Variants in CCNL2 observed in about 807,000 individuals in gnomAD.
CCNL2 encodes cyclin-L2.
CCNL2 carries 28 observed loss-of-function variants against 59.1 expected under a neutral mutation model. The ratio of observed to expected loss-of-function variants is 0.47; its 90% CI spans 0.35 to 0.65. CCNL2 has a LOEUF of 0.65. CCNL2 is among the 30% of genes least tolerant of loss of function. CCNL2 has a pLI of 0.00. For missense variants in CCNL2, 714 were observed against 717.4 expected (o/e 1.00, Z 0.05); for synonymous variants, 342 against 288.6 (o/e 1.19, Z -1.88).
intron 5 of CCNL2, chr1:1,392,443 C>T (rs534848929): frequency 1.1e-5 from 13 of 1,189,946 alleles, no homozygotes; most frequent in African/African-American, 6.3e-5. Context: ...TAACCCCACA[C>T]TGACACAGCC....
chr1:1,395,844 C>T (rs1363141970), intron 3 of CCNL2, among the ~76,000 whole-genome samples: 1 of 152,310 alleles, frequency 6.6e-6, no homozygotes, highest in East Asian at 1.9e-4. Flanking sequence ...GGTACATATT[C>T]ACAGTTCAAT....
Position 1,386,866 on chromosome 1 carries a change from T to C in CCNL2, c.*365A>G, listed in dbSNP as rs976598507. ...TCTTTCTTGGCTTCACGTAATTGAGTATCAGTCGGGGAGTGGAGAGCGGCT... is the reference window on the plus strand; with the variant it reads ...TCTTTCTTGGCTTCACGTAATTGAGCATCAGTCGGGGAGTGGAGAGCGGCT... On this transcript the variant is annotated 3_prime_UTR_variant, in exon 11 of 11. Coordinates refer to ENST00000400809, the MANE Select transcript of CCNL2 (RefSeq NM_030937.6). 1.2e-4 allele frequency: 26 copies of C among 213,828 alleles called. No homozygotes were observed. Among genetic ancestry groups the C allele is most frequent in the East Asian group, 9.3e-5 (1 of 10,702 alleles). The allele number at this position is 213,828 out of a possible 1,614,324, so 13.2% of individuals were successfully genotyped here. A position where few individuals can be genotyped will look rare whatever the true frequency, so the allele number is the denominator to read the frequency against.
intron 3 of CCNL2, among the ~76,000 whole-genome samples, chr1:1,395,825 C>T (rs754338109): frequency 6.6e-5 from 10 of 152,070 alleles, no homozygotes; most frequent in African/African-American, 2.2e-4. Context: ...ATGTGACTCA[C>T]GATAGGAAGG....
intron 3 of CCNL2, among the ~76,000 whole-genome samples, chr1:1,397,836 C>T (rs1194289949): frequency 6.6e-6 from 1 of 152,152 alleles, no homozygotes; most frequent in Non-Finnish European, 1.5e-5. Flanking sequence ...CCGCACTCTG[C>T]CCTGGACAAC....
At position 1,386,125 on chromosome 1, in the gene CCNL2, G is replaced by C. The variant is rs1644447610; in HGVS notation, c.*1106C>G. 1 of 152,272 alleles carries C rather than the reference G, an allele frequency of 6.6e-6. No homozygotes were observed. Among genetic ancestry groups the C allele is most frequent in the Non-Finnish European group, 1.5e-5 (1 of 68,068 alleles). The allele number at this position is 152,272 out of a possible 1,614,324, so 9.4% of individuals were successfully genotyped here. A position where few individuals can be genotyped will look rare whatever the true frequency, so the allele number is the denominator to read the frequency against. ...CTGATGACAGTGGGGGGCACTCAGA[G>C]TGCAGGTGCCACCCCCGTGGGGTGA... On this transcript the variant is annotated 3_prime_UTR_variant, in exon 11 of 11. Transcript: ENST00000400809.
Position 1,398,252 on chromosome 1 carries a change from G to A in CCNL2, c.454C>T (p.Arg152Ter). ...ACTCACTTTTTGTCTCTCAGCTGTCGAAGGCGGTGAAACACATTGATGACG... is the reference window on the plus strand; with the variant it reads ...ACTCACTTTTTGTCTCTCAGCTGTCAAAGGCGGTGAAACACATTGATGACG... ...RDVINVFHRL[R>*]QLRDKKKPVP... Residue 152 changes from arginine (R) to a stop codon, truncating the protein, a stop_gained, in exon 3 of 11, where the codon CGA becomes TGA. Transcript: ENST00000400809. LOFTEE classifies it high-confidence loss of function. The A allele has an allele frequency of 6.2e-7, 1 of 1,614,210 alleles. No homozygotes were observed. Among genetic ancestry groups the A allele is most frequent in the Non-Finnish European group, 8.5e-7 (1 of 1,180,040 alleles).
At position 1,387,842 on chromosome 1, in the gene CCNL2, A is replaced by G. The variant is rs1334336553; in HGVS notation, c.1146T>C (p.Ser382=). Residue 382 remains serine, a synonymous_variant, in exon 10 of 11, where the codon AGT becomes AGC. Coordinates refer to ENST00000400809, the MANE Select transcript of CCNL2 (RefSeq NM_030937.6). ...NGLPKGRESR[S]RSRSREQSYS... ...AGCTCTGCTCACGGCTCCGGCTCCG[A>G]CTCCGACTCTCTCGCCCCTTTGGCA... The G allele has an allele frequency of 4.3e-6, 7 of 1,612,890 alleles. No homozygotes were observed. The highest frequency in any genetic ancestry group is 1.7e-5 in the Admixed American group (1 of 59,942).
chr1:1,397,175 G>A (rs1003613347), intron 3 of CCNL2, among the ~76,000 whole-genome samples: 4 of 152,222 alleles, frequency 2.6e-5, no homozygotes, highest in African/African-American at 7.2e-5. Flanking sequence ...CCCGGCCAGA[G>A]GCTGTGTTTT....
At chr1:1,396,812 G>A (rs950668137) in intron 3 of CCNL2, among the ~76,000 whole-genome samples, 10 of 148,594 alleles carry the variant, frequency 6.7e-5, no homozygotes, top group African/African-American at 2.0e-4. Flanking sequence ...GCAGTGGCCC[G>A]ATCTCAGCTC....
rs557846873 is a variant in CCNL2, at chr1:1,398,904, G to A, written c.288+115C>T. ...GAATGGCGCCGAGGCTGGGGTCGGGGCAGGGGCTGGGGTCGGGGTCTAGGC... is the reference window on the plus strand; with the variant it reads ...GAATGGCGCCGAGGCTGGGGTCGGGACAGGGGCTGGGGTCGGGGTCTAGGC... On this transcript the variant is annotated intron_variant, in intron 1 of 10. Coordinates refer to ENST00000400809, the MANE Select transcript of CCNL2 (RefSeq NM_030937.6). The A allele has an allele frequency of 3.0e-4, 424 of 1,435,282 alleles. 6 individuals carry two copies. In the South Asian group the frequency reaches 3.9e-3, roughly 13 times the overall value. The allele number at this position is 1,435,282 out of a possible 1,614,324, so 88.9% of individuals were successfully genotyped here.
rs763667158 is a variant in CCNL2, at chr1:1,387,403, C to T, written c.1391G>A (p.Arg464Gln). 2.4e-5 allele frequency: 39 copies of T among 1,614,020 alleles called. No individual in the cohort carries two copies. Among genetic ancestry groups the T allele is most frequent in the Non-Finnish European group, 3.1e-5 (37 of 1,180,056 alleles). The change falls in exon 11 of 11, where the codon CGG becomes CAG. Residue 464 changes from arginine (R) to glutamine (Q), a missense_variant. By Grantham distance (43) the Arg-to-Gln change is conservative (BLOSUM62 1). Around this residue, in one of 5 missense-constraint regions of CCNL2, gnomAD observed 403 missense variants for 377.7 expected, o/e 1.07. Transcript: ENST00000400809. Reference protein sequence around the residue: ...YPQKPHKSRSRSSSRSRSRSR... With the variant: ...YPQKPHKSRSQSSSRSRSRSR... ...CCTGCTTCGAGAACGGGAAGAACTC[C>T]GGCTCCGAGACTTGTGTGGCTTCTG...
chr1:1,387,128 A>T lies in CCNL2; in HGVS notation c.*103T>A. ...TCCTGTTCTAGGACCACTTGCGCTG[A>T]GAGCACACCCGGGGGTCAAAGGGCA... On this transcript the variant is annotated 3_prime_UTR_variant, in exon 11 of 11. Coordinates refer to ENST00000400809, the MANE Select transcript of CCNL2 (RefSeq NM_030937.6). 1.2e-6 allele frequency: 1 copy of T among 859,942 alleles called. No individual in the cohort carries two copies. The highest frequency in any genetic ancestry group is 1.8e-6 in the Non-Finnish European group (1 of 549,410). 53.3% of individuals were successfully genotyped at this position (859,942 alleles called of 1,614,324 possible).
At chr1:1,394,610 T>C (rs943842663) in intron 4 of CCNL2, among the ~76,000 whole-genome samples, 7 of 151,392 alleles carry the variant, frequency 4.6e-5, no homozygotes, top group East Asian at 3.9e-4. Flanking sequence ...ATTACCCAGG[T>C]GTGGTGGCGC....
chr1:1,387,508 G>C lies in CCNL2; in HGVS notation c.1286C>G (p.Pro429Arg). 4 of 1,578,342 alleles carry C rather than the reference G, an allele frequency of 2.5e-6. No individual in the cohort carries two copies. Among genetic ancestry groups the C allele is most frequent in the African/African-American group, 1.4e-5 (1 of 73,594 alleles). ...GGGAGCGCTGCGGGGGGCCTGTCTC[G>C]GTGGGGAGTCACTCCTGCTCCGGGA... ...SRSRSRSDSP[P>R]RQAPRSAPYK... The change falls in exon 11 of 11, where the codon CCG becomes CGG. Residue 429 changes from proline (P) to arginine (R), a missense_variant. Physicochemically the swap from Pro to Arg is moderately radical, Grantham distance 103. Transcript: ENST00000400809.
At position 1,395,532 on chromosome 1, in the gene CCNL2, C is replaced by T; in HGVS notation, c.474-18G>A. The T allele has an allele frequency of 1.2e-6, 2 of 1,613,808 alleles. No homozygotes were observed. The highest frequency in any genetic ancestry group is 8.5e-7 in the Non-Finnish European group (1 of 1,179,974). On this transcript the variant is annotated intron_variant, in intron 3 of 10. Transcript: ENST00000400809. ...CGGGCTTCCTGCCAGAGAGAGAGCACAGGGTCTGCACCACAGTCAAGCAGA... is the reference window on the plus strand; with the variant it reads ...CGGGCTTCCTGCCAGAGAGAGAGCATAGGGTCTGCACCACAGTCAAGCAGA...
chr1:1,398,921 G>A lies in CCNL2; in HGVS notation c.288+98C>T. The A allele has an allele frequency of 1.1e-5, 16 of 1,453,522 alleles. No homozygotes were observed. The South Asian group carries it at 1.7e-4, about 16-fold the overall frequency. 90.0% of individuals were successfully genotyped at this position (1,453,522 alleles called of 1,614,324 possible). ...GGGTCGGGGCAGGGGCTGGGGTCGG[G>A]GTCTAGGCGGGGGCGGTGCGGGCCC... On this transcript the variant is annotated intron_variant, in intron 1 of 10. Transcript: ENST00000400809.
chr1:1,398,422 T>C (rs1645169944), intron 2 of CCNL2, 80 bp from the exon 3 acceptor site: 1 of 1,599,822 alleles, frequency 6.3e-7, no homozygotes, highest in South Asian at 1.1e-5. Context: ...TTGAGGGCTA[T>C]TCAGACCAAA....
intron 3 of CCNL2, 144 bp downstream of exon 3, chr1:1,398,089 G>T: frequency 1.4e-6 from 1 of 730,294 alleles, no homozygotes; most frequent in Non-Finnish European, 2.2e-6. Flanking sequence ...AGGCTCTGTT[G>T]GTGGAGCTTG....
At chr1:1,388,676 C>T in intron 8 of CCNL2, 1 of 428,696 alleles carries the variant, frequency 2.3e-6, no homozygotes, top group East Asian at 7.1e-5. Context: ...GAGGCTGAGG[C>T]ACAAGAATCA....
Sources: gnomAD v4.1 joint callset for allele counts (sites outside exome capture counted in the v4.1 genomes callset) on GRCh38, gnomAD v4.1.1 for gene constraint, gnomAD v4.1.1 regional missense constraint, MANE v1.5 for transcripts, NCBI Gene and HGNC (gene_info 2026-07-23, HGNC 2026-07-21) for gene names.